Variants in FBXO46 observed in about 807,000 individuals in gnomAD.
FBXO46 encodes F-box protein 46.
A neutral mutation model predicts 30.7 loss-of-function variants in FBXO46; 13 were observed. That is an observed-to-expected ratio of 0.42 (90% confidence interval 0.28 to 0.67). The LOEUF (loss-of-function observed/expected upper bound fraction) is 0.67. FBXO46 is among the 30% of genes least tolerant of loss of function. The probability of loss-of-function intolerance (pLI) is 0.21; values close to 1 mark genes in which losing one functional copy is unlikely to be tolerated. For missense variants in FBXO46, 754 were observed against 871.5 expected (o/e 0.87, Z 1.70); for synonymous variants, 467 against 385.8 (o/e 1.21, Z -2.47).
chr19:45,729,866 C>T (rs1968286010), intron 1 of FBXO46, among the ~76,000 whole-genome samples: 1 of 152,156 alleles, frequency 6.6e-6, no homozygotes, highest in African/African-American at 2.4e-5. Flanking sequence ...TCAGTGCCAG[C>T]TTTTGAGAAA....
chr19:45,711,456 A>G lies in FBXO46; in HGVS notation c.*228T>C, dbSNP rs1417327608. 6 of 672,942 alleles carry G rather than the reference A, an allele frequency of 8.9e-6. No homozygotes were observed. Among genetic ancestry groups the G allele is most frequent in the Non-Finnish European group, 1.1e-5 (4 of 372,940 alleles). The allele number at this position is 672,942 out of a possible 1,614,324, so 41.7% of individuals were successfully genotyped here. ...TGAGATGCTGATAAAAAAAAAAAAAACACCCTTCTCAGAGGGTCCACGGCC... is the reference window on the plus strand; with the variant it reads ...TGAGATGCTGATAAAAAAAAAAAAAGCACCCTTCTCAGAGGGTCCACGGCC... On this transcript the variant is annotated 3_prime_UTR_variant, in exon 2 of 2. Coordinates refer to ENST00000317683, the MANE Select transcript of FBXO46 (RefSeq NM_001080469.2).
At chr19:45,718,116 T>A (rs983011121) in intron 1 of FBXO46, among the ~76,000 whole-genome samples, 2 of 152,012 alleles carry the variant, frequency 1.3e-5, no homozygotes, top group Non-Finnish European at 2.9e-5. Context: ...ACCCCACCTG[T>A]CCAGTCGCAT....
In FBXO46 at chr19:45,711,669, T is replaced by C. The variant is rs1040040157; in HGVS notation, c.*15A>G. 7.0e-7 allele frequency: 1 copy of C among 1,437,198 alleles called. No individual in the cohort carries two copies. Among genetic ancestry groups the C allele is most frequent in the Non-Finnish European group, 9.4e-7 (1 of 1,059,778 alleles). 89.0% of individuals were successfully genotyped at this position (1,437,198 alleles called of 1,614,324 possible). A position where few individuals can be genotyped will look rare whatever the true frequency, so the allele number is the denominator to read the frequency against. ...GGGGTGGGCGTGGTGGGCTCTCCCC[T>C]CCCCTCCCCCGGCTTCACCTCCCCT... On this transcript the variant is annotated 3_prime_UTR_variant, in exon 2 of 2. Coordinates refer to ENST00000317683, the MANE Select transcript of FBXO46 (RefSeq NM_001080469.2).
At position 45,711,752 on chromosome 19, in the gene FBXO46, C is replaced by G; in HGVS notation, c.1744G>C (p.Asp582His). ...ETPGCRLGLH[D>H]NNWVLPCNGP... ...TTGCAGGGCAGCACCCAGTTGTTAT[C>G]GTGGAGGCCCAGGCGGCAGCCGGGA... Residue 582 changes from aspartate (D) to histidine (H), a missense_variant, in exon 2 of 2, where the codon GAT (aspartate) becomes CAT (histidine). Transcript: ENST00000317683. 1 of 1,432,776 alleles carries G rather than the reference C, an allele frequency of 7.0e-7. No homozygotes were observed. Among genetic ancestry groups the G allele is most frequent in the Non-Finnish European group, 9.3e-7 (1 of 1,077,424 alleles). The allele number at this position is 1,432,776 out of a possible 1,614,324, so 88.8% of individuals were successfully genotyped here.
intron 1 of FBXO46, among the ~76,000 whole-genome samples, chr19:45,725,607 G>A (rs886901654): frequency 4.0e-5 from 6 of 151,302 alleles, no homozygotes; most frequent in African/African-American, 1.5e-4. Flanking sequence ...GGTGGTGTGC[G>A]CCTGCAGTCC....
At chr19:45,724,701 T>C (rs982441625) in intron 1 of FBXO46, among the ~76,000 whole-genome samples, 2 of 152,146 alleles carry the variant, frequency 1.3e-5, no homozygotes, top group African/African-American at 4.8e-5. Flanking sequence ...TTACCCAGGC[T>C]GGAGTGCAGT....
intron 1 of FBXO46, among the ~76,000 whole-genome samples, chr19:45,722,459 G>C (rs754907313): frequency 6.6e-6 from 1 of 152,188 alleles, no homozygotes; most frequent in Non-Finnish European, 1.5e-5. Context: ...AACAAACCCA[G>C]CAGAGCACCT....
intron 1 of FBXO46, chr19:45,714,669 G>C (rs1968063126): frequency 6.6e-6 from 1 of 152,208 alleles, no homozygotes; most frequent in African/African-American, 2.4e-5. Flanking sequence ...GGAGGCCGAG[G>C]TGGGCAGATT....
chr19:45,721,170 A>G (rs1019288615), intron 1 of FBXO46, among the ~76,000 whole-genome samples: 1 of 152,104 alleles, frequency 6.6e-6, no homozygotes, highest in Non-Finnish European at 1.5e-5. Context: ...CCTGGGCAAC[A>G]TGGCAAAACC....
Position 45,712,335 on chromosome 19 carries a change from G to A in FBXO46, c.1161C>T (p.Asn387=), listed in dbSNP as rs747202618. The part of the protein sequence containing the change: ...CIFFGKDGTK[N]VKEETVCLTV... ...TCAGGCACACAGTCTCCTCCTTCAC[G>A]TTCTTGGTGCCGTCCTTGCCAAAGA... Residue 387 remains asparagine, a synonymous_variant, in exon 2 of 2, where the codon AAC becomes AAT. Coordinates refer to ENST00000317683, the MANE Select transcript of FBXO46 (RefSeq NM_001080469.2). The surrounding 1 kb of genome is among the most constrained non-coding windows in gnomAD (Gnocchi z 8.8). The A allele has an allele frequency of 5.4e-5, 86 of 1,601,544 alleles. 1 individual carries two copies. The highest frequency in any genetic ancestry group is 8.3e-5 in the Admixed American group (5 of 59,996).
rs1283901226 is a variant in FBXO46, at chr19:45,712,059, G to A, written c.1437C>T (p.His479=). The change falls in exon 2 of 2, where the codon CAC becomes CAT. Residue 479 remains histidine, a synonymous_variant. Transcript: ENST00000317683. This position sits in a 1 kb window ranked among gnomAD's most constrained non-coding sequence, Gnocchi z 8.8. ...PRQYMLLLPE[H]VLVKIFSFLP... is the part of the protein sequence containing the mutation. ...GGAAGCTGAAGATCTTGACCAGCAC[G>A]TGCTCGGGCAGCAGCAGCATGTACT... 2.8e-5 allele frequency: 45 copies of A among 1,611,164 alleles called. No individual in the cohort carries two copies. The highest frequency in any genetic ancestry group is 3.8e-5 in the Non-Finnish European group (45 of 1,179,130).
Position 45,720,181 on chromosome 19 carries a change from C to T in FBXO46, c.-78-6608G>A, listed in dbSNP as rs186195060. Among the ~76,000 whole-genome samples the T allele has an allele frequency of 1.2e-3, 183 of 151,826 alleles. 2 individuals are homozygous for T. Among genetic ancestry groups the T allele is most frequent in the Non-Finnish European group, 2.7e-4 (18 of 67,920 alleles). Reference sequence around the variant, plus strand: ...CTCTGTTGCCCAGGCTGGAGTGTAACGGTGCGATCTCGGCTCACTGCAATC... The same window carrying T: ...CTCTGTTGCCCAGGCTGGAGTGTAATGGTGCGATCTCGGCTCACTGCAATC... On this transcript the variant is annotated intron_variant, in intron 1 of 1. Coordinates refer to ENST00000317683, the MANE Select transcript of FBXO46 (RefSeq NM_001080469.2).
At position 45,721,134 on chromosome 19, in the gene FBXO46, G is replaced by A. The variant is rs533852064; in HGVS notation, c.-78-7561C>T. Among the ~76,000 whole-genome samples the A allele has an allele frequency of 2.0e-4, 31 of 152,130 alleles. 1 individual carries two copies. In the South Asian group the frequency reaches 5.8e-3, roughly 28 times the overall value. ...TTTGGGAAGCCGAGGCAGACAGATC[G>A]CTTAAGCCAATGAATTTGAGACCAG... is the stretch of plus-strand genomic sequence containing the variant. On this transcript the variant is annotated intron_variant, in intron 1 of 1. Coordinates refer to ENST00000317683, the MANE Select transcript of FBXO46 (RefSeq NM_001080469.2).
At chr19:45,717,904 C>T (rs1176929437) in intron 1 of FBXO46, among the ~76,000 whole-genome samples, 1 of 152,210 alleles carries the variant, frequency 6.6e-6, no homozygotes, top group African/African-American at 2.4e-5. Flanking sequence ...GCCTCTAGGC[C>T]TGGCGTTCAA....
intron 1 of FBXO46, among the ~76,000 whole-genome samples, chr19:45,720,553 G>A (rs1208258710): frequency 6.6e-6 from 1 of 152,174 alleles, no homozygotes; most frequent in Non-Finnish European, 1.5e-5. Context: ...ACAGGTGTGA[G>A]CCACTGTGCC....
chr19:45,712,149 G>A lies in FBXO46; in HGVS notation c.1347C>T (p.Tyr449=). The A allele has an allele frequency of 6.3e-7, 1 of 1,594,354 alleles. No individual in the cohort carries two copies. Among genetic ancestry groups the A allele is most frequent in the Non-Finnish European group, 8.5e-7 (1 of 1,171,146 alleles). The part of the protein sequence containing the change: ...GTADTSLCRL[Y]RHVSHDFLEI... Reference sequence around the variant, plus strand: ...CTAGGAAGTCGTGCGACACGTGCCGGTACAAGCGGCACAGGGAGGTGTCCG... The same window carrying A: ...CTAGGAAGTCGTGCGACACGTGCCGATACAAGCGGCACAGGGAGGTGTCCG... Residue 449 remains tyrosine, a synonymous_variant, in exon 2 of 2, where the codon TAC becomes TAT. Transcript: ENST00000317683. This position sits in a 1 kb window ranked among gnomAD's most constrained non-coding sequence, Gnocchi z 8.8.
At chr19:45,719,592 T>G (rs1006641388) in intron 1 of FBXO46, among the ~76,000 whole-genome samples, 1 of 152,220 alleles carries the variant, frequency 6.6e-6, no homozygotes, top group Non-Finnish European at 1.5e-5. Context: ...AACCACTCAA[T>G]CTACACCCTT....
rs1968007558 is a variant in FBXO46 at position 45,712,635 on chromosome 19, A to G, written c.861T>C (p.Gly287=). 1.9e-6 allele frequency: 3 copies of G among 1,604,398 alleles called. No individual in the cohort carries two copies. The highest frequency in any genetic ancestry group is 2.6e-6 in the Non-Finnish European group (3 of 1,175,320). The change falls in exon 2 of 2, where the codon GGT becomes GGC. Residue 287 remains glycine (G), a synonymous_variant. Coordinates refer to ENST00000317683, the MANE Select transcript of FBXO46 (RefSeq NM_001080469.2). The surrounding 1 kb of genome is among the most constrained non-coding windows in gnomAD (Gnocchi z 8.8). ...GLPSGGGGRP[G]CAYPGSPGPG... ...GACCTGGGCTGCCAGGGTAGGCACAACCAGGCCTGCCCCCGCCCCCACTGG... is the reference window on the plus strand; with the variant it reads ...GACCTGGGCTGCCAGGGTAGGCACAGCCAGGCCTGCCCCCGCCCCCACTGG...
chr19:45,722,052 G>C (rs1210418336), intron 1 of FBXO46, among the ~76,000 whole-genome samples: 1 of 152,036 alleles, frequency 6.6e-6, no homozygotes, highest in Non-Finnish European at 1.5e-5. Context: ...TTGAACTCCT[G>C]ATCTCAGATG....
Sources: allele counts gnomAD v4.1 joint callset (sites outside exome capture counted in the v4.1 genomes callset), GRCh38; gene constraint gnomAD v4.1.1; non-coding constraint Gnocchi (gnomAD v3.1); transcripts MANE v1.5; gene names NCBI Gene and HGNC (gene_info 2026-07-23, HGNC 2026-07-21).